CNTN3: variants seen among roughly 807,000 people sequenced by gnomAD.
CNTN3 encodes the protein contactin-3.
CNTN3 carries 60 observed loss-of-function variants against 119.1 expected under a neutral mutation model. That is an observed-to-expected ratio of 0.50 (90% CI 0.41 to 0.62). The LOEUF (loss-of-function observed/expected upper bound fraction) is 0.62. CNTN3 is among the 20% of genes least tolerant of loss of function. The pLI is 0.00. For missense variants in CNTN3, 1,101 were observed against 1,242.4 expected (o/e 0.89, Z 1.71); for synonymous variants, 450 against 438.7 (o/e 1.03, Z -0.32).
chr3:74,343,165 C>T (rs1227441669), intron 11 of CNTN3, among the ~76,000 whole-genome samples: 3 of 152,130 alleles, frequency 2.0e-5, no homozygotes, highest in Non-Finnish European at 2.9e-5. Context: ...CTTAGATGAG[C>T]GACAATGGTT....
At chr3:74,398,265 CTTATT>C (rs1288509924) in intron 5 of CNTN3, among the ~76,000 whole-genome samples, 2 of 152,178 alleles carry the variant, frequency 1.3e-5, no homozygotes, top group African/African-American at 4.8e-5. Flanking sequence ...TCACTGTCGT[CTTATT>C]TTAAGAAACT....
intron 1 of CNTN3, among the ~76,000 whole-genome samples, chr3:74,546,577 C>A (rs954287407): frequency 5.3e-5 from 8 of 152,130 alleles, no homozygotes; most frequent in Non-Finnish European, 1.2e-4. Context: ...TGTGCTGGAT[C>A]CTTCCTGCTC....
chr3:74,402,502 T>C (rs941468180), intron 5 of CNTN3, among the ~76,000 whole-genome samples: 2 of 152,182 alleles, frequency 1.3e-5, no homozygotes, highest in African/African-American at 4.8e-5. Context: ...CTGTAACACA[T>C]GACCTTGAAT....
At chr3:74,355,289 A>G (rs1575747478) in intron 11 of CNTN3, among the ~76,000 whole-genome samples, 2 of 152,074 alleles carry the variant, frequency 1.3e-5, no homozygotes, top group African/African-American at 2.4e-5. Context: ...TCTTGTTGAT[A>G]TAACATTTTC....
chr3:74,330,371 G>C (rs1316190418), intron 13 of CNTN3, among the ~76,000 whole-genome samples: 1 of 150,406 alleles, frequency 6.6e-6, no homozygotes, highest in African/African-American at 2.5e-5. Context: ...AAAAAAAAAA[G>C]TTTCTATTGA....
chr3:74,265,566 A>G (rs1267751685), intron 22 of CNTN3, among the ~76,000 whole-genome samples: 1 of 152,188 alleles, frequency 6.6e-6, no homozygotes, highest in Non-Finnish European at 1.5e-5. Flanking sequence ...TGCAATAAGT[A>G]GTTCCTGTTT....
At chr3:74,570,093 G>A (rs963084426) in intron 1 of CNTN3, among the ~76,000 whole-genome samples, 3 of 152,138 alleles carry the variant, frequency 2.0e-5, no homozygotes, top group African/African-American at 7.2e-5. Context: ...CGTCCAACAA[G>A]GGTGGGCTTG....
rs370647514 is a variant in CNTN3, at chr3:74,407,508, G to C, written c.454+17337C>G. Among the ~76,000 whole-genome samples the C allele has an allele frequency of 1.7e-4, 26 of 150,454 alleles. No homozygotes were observed. The East Asian group carries it at 4.7e-3, about 27-fold the overall frequency. On this transcript the variant is annotated intron_variant, in intron 5 of 22. Coordinates refer to ENST00000263665, the MANE Select transcript of CNTN3 (RefSeq NM_020872.3). The stretch of plus-strand genomic sequence containing the variant: ...GGCTGGTCTCAAACTCCTGACCTCA[G>C]GTGATCTGCCCACCTCGGCCTCTCA...
At chr3:74,281,333 T>A (rs541995677) in intron 20 of CNTN3, among the ~76,000 whole-genome samples, 2 of 152,170 alleles carry the variant, frequency 1.3e-5, no homozygotes, top group Admixed American at 6.5e-5. Context: ...TTTCTTTATT[T>A]TTATTATTAT....
At position 74,365,821 on chromosome 3, in the gene CNTN3, T is replaced by C. The variant is rs902323808; in HGVS notation, c.947-119A>G. On this transcript the variant is annotated intron_variant, in intron 8 of 22. Coordinates refer to ENST00000263665, the MANE Select transcript of CNTN3 (RefSeq NM_020872.3). ...AATGGACATGATAATGAGTAACAGA[T>C]TGAAGTGAGAACAGAGGCTAGAATT... The C allele has an allele frequency of 2.3e-5, 26 of 1,140,626 alleles. 1 individual carries two copies. The highest frequency in any genetic ancestry group is 2.1e-4 in the African/African-American group (13 of 63,062). The allele number at this position is 1,140,626 out of a possible 1,614,324, so 70.7% of individuals were successfully genotyped here.
intron 5 of CNTN3, among the ~76,000 whole-genome samples, chr3:74,379,774 G>C (rs903696285): frequency 6.6e-6 from 1 of 152,272 alleles, no homozygotes; most frequent in Middle Eastern, 3.4e-3. Context: ...AAAACAGGAT[G>C]CCCAGCAATG....
At chr3:74,541,851 G>A (rs1703847224) in intron 1 of CNTN3, among the ~76,000 whole-genome samples, 1 of 152,166 alleles carries the variant, frequency 6.6e-6, no homozygotes, top group African/African-American at 2.4e-5. Flanking sequence ...AAGAGTTCAG[G>A]TAGAATACAA....
At chr3:74,459,564 A>G (rs9850571) in intron 4 of CNTN3, among the ~76,000 whole-genome samples, 26,739 of 151,912 alleles carry the variant, frequency 0.18, 2,698 homozygotes, top group East Asian at 0.46. Flanking sequence ...GGGTTCAAAC[A>G]TTAAACTTCT....
At position 74,364,486 on chromosome 3, in the gene CNTN3, A is replaced by C; in HGVS notation, c.1194T>G (p.Ser398Arg). The C allele has an allele frequency of 1.2e-6, 2 of 1,612,594 alleles. No homozygotes were observed. The highest frequency in any genetic ancestry group is 1.7e-6 in the Non-Finnish European group (2 of 1,179,044). ...AENKHGLVYS[S>R]AELKVVASAP... Reference sequence around the variant, plus strand: ...CCTTACCAACAACTTTGAGCTCAGCACTGGAATAAACAAGGCCATGTTTGT... The same window carrying C: ...CCTTACCAACAACTTTGAGCTCAGCCCTGGAATAAACAAGGCCATGTTTGT... Residue 398 changes from serine to arginine, a missense_variant, in exon 10 of 23, where the codon AGT becomes AGG. Coordinates refer to ENST00000263665, the MANE Select transcript of CNTN3 (RefSeq NM_020872.3).
At chr3:74,483,130 T>C (rs1017658834) in intron 4 of CNTN3, among the ~76,000 whole-genome samples, 2 of 151,918 alleles carry the variant, frequency 1.3e-5, no homozygotes, top group African/African-American at 4.8e-5. Flanking sequence ...ACAAAAAATA[T>C]AATTTCACTG....
At chr3:74,465,082 C>T (rs910214162) in intron 4 of CNTN3, among the ~76,000 whole-genome samples, 3 of 152,132 alleles carry the variant, frequency 2.0e-5, no homozygotes, top group African/African-American at 7.2e-5. Flanking sequence ...ATTTCTATTA[C>T]CATTGATCCT....
intron 12 of CNTN3, among the ~76,000 whole-genome samples, chr3:74,335,773 CT>C (rs1405787181): frequency 1.3e-5 from 2 of 152,048 alleles, no homozygotes; most frequent in Non-Finnish European, 2.9e-5. Flanking sequence ...GAAATAATTC[CT>C]CAGGAGGTCT....
At chr3:74,527,088 A>G (rs1424354250) in intron 1 of CNTN3, among the ~76,000 whole-genome samples, 1 of 151,836 alleles carries the variant, frequency 6.6e-6, no homozygotes, top group Non-Finnish European at 1.5e-5. Context: ...ACCTATATAG[A>G]TATGTGTGTT....
chr3:74,538,603 T>C (rs1230353515), intron 1 of CNTN3, among the ~76,000 whole-genome samples: 3 of 152,166 alleles, frequency 2.0e-5, no homozygotes, highest in African/African-American at 4.8e-5. Context: ...TATTGGAGCA[T>C]GTGTATTTGA....
Sources: gnomAD v4.1 joint callset for allele counts (sites outside exome capture counted in the v4.1 genomes callset) on GRCh38, gnomAD v4.1.1 for gene constraint, MANE v1.5 for transcripts, NCBI Gene and HGNC (gene_info 2026-07-23, HGNC 2026-07-21) for gene names.